Variants in PARD3B observed in about 807,000 individuals in gnomAD.
The protein encoded by PARD3B is par-3 family cell polarity regulator beta, also known as partitioning defective 3 homolog B.
Under a neutral mutation model 130.2 loss-of-function variants are expected in PARD3B, and 103 were observed. The observed-to-expected ratio is 0.79, with a 90% CI of 0.67 to 0.93. The LOEUF (loss-of-function observed/expected upper bound fraction) is 0.93. PARD3B is among the 40% of genes least tolerant of loss of function. PARD3B has a pLI of 0.00. For missense variants in PARD3B, 1,609 were observed against 1,499.2 expected (o/e 1.07, Z -1.21); for synonymous variants, 583 against 553.2 (o/e 1.05, Z -0.76).
chr2:205,000,882 C>A (rs2125279339), intron 3 of PARD3B, among the ~76,000 whole-genome samples: 1 of 152,216 alleles, frequency 6.6e-6, no homozygotes, highest in Middle Eastern at 3.4e-3. Context: ...ACATTAGGGC[C>A]TTAGGGTTTT....
intron 10 of PARD3B, among the ~76,000 whole-genome samples, chr2:205,135,200 G>C (rs984709131): frequency 1.3e-5 from 2 of 152,212 alleles, no homozygotes; most frequent in South Asian, 4.1e-4. Context: ...AATGTTACCA[G>C]TAATTTAGGC....
rs535607937 is a variant in PARD3B at position 204,941,031 on chromosome 2, A to T, written c.223-24121A>T. On this transcript the variant is annotated intron_variant, in intron 2 of 22. Coordinates refer to ENST00000406610, the MANE Select transcript of PARD3B (RefSeq NM_001302769.2). ...TCAGTGTTGTATGTTCTATTCAATT[A>T]ACGTGGGAGAGTTAAAAAACTAACA... Among the ~76,000 whole-genome samples, 5 of 152,362 alleles carry T rather than the reference A, an allele frequency of 3.3e-5. No homozygotes were observed. The South Asian group carries it at 1.0e-3, about 32-fold the overall frequency.
intron 2 of PARD3B, among the ~76,000 whole-genome samples, chr2:204,891,727 G>T (rs757466677): frequency 5.3e-5 from 8 of 152,052 alleles, no homozygotes; most frequent in Non-Finnish European, 8.8e-5. Flanking sequence ...GCTACCATTT[G>T]CCAGCTAATA....
At chr2:205,380,865 A>ATAAAGAATATATATAAT (rs1559034636) in intron 18 of PARD3B, among the ~76,000 whole-genome samples, 1 of 36,486 alleles carries the variant, frequency 2.7e-5, no homozygotes, top group African/African-American at 1.1e-4. Flanking sequence ...CATTATATAT[A>ATAAAGAATATATATAAT]ATATAAAGAA....
At chr2:205,386,209 G>A (rs2045655825) in intron 18 of PARD3B, among the ~76,000 whole-genome samples, 2 of 152,108 alleles carry the variant, frequency 1.3e-5, no homozygotes, top group South Asian at 2.1e-4. Context: ...CGGGAGAAGT[G>A]ATGGATTCAT....
chr2:204,648,652 A>ATATCATATAAATAAT (rs1559028878), intron 1 of PARD3B, among the ~76,000 whole-genome samples: 2 of 114,670 alleles, frequency 1.7e-5, no homozygotes, highest in African/African-American at 7.0e-5. Flanking sequence ...TTATATATAT[A>ATATCATATAAATAAT]ATATATTTAT....
At chr2:205,531,669 G>A (rs1278966574) in intron 21 of PARD3B, among the ~76,000 whole-genome samples, 1 of 151,984 alleles carries the variant, frequency 6.6e-6, no homozygotes, top group African/African-American at 2.4e-5. Context: ...ACAGGAGAGA[G>A]ACTGGATATG....
chr2:204,707,023 G>C (rs1007301657), intron 2 of PARD3B, among the ~76,000 whole-genome samples: 1 of 152,192 alleles, frequency 6.6e-6, no homozygotes, highest in Non-Finnish European at 1.5e-5. Flanking sequence ...AGGAATGACT[G>C]AGATGAATGA....
chr2:204,749,872 T>A (rs1318491378), intron 2 of PARD3B, among the ~76,000 whole-genome samples: 2 of 152,234 alleles, frequency 1.3e-5, no homozygotes, highest in Non-Finnish European at 2.9e-5. Context: ...TTTTTAAACC[T>A]TGTTTTAATG....
Position 205,281,520 on chromosome 2 carries a change from G to A in PARD3B, c.2186-19010G>A, listed in dbSNP as rs2041188737. The stretch of plus-strand genomic sequence containing the variant: ...CAGTATTTCTGTCCCAAAGTCCCAG[G>A]CACACCCTTAATCTCTGCAATTGTA... On this transcript the variant is annotated intron_variant, in intron 16 of 22. Coordinates refer to ENST00000406610, the MANE Select transcript of PARD3B (RefSeq NM_001302769.2). This position sits in a 1 kb window ranked among gnomAD's most constrained non-coding sequence, Gnocchi z 4.2. Among the ~76,000 whole-genome samples, 1 of 152,126 alleles carries A rather than the reference G, an allele frequency of 6.6e-6. No individual in the cohort carries two copies. The highest frequency in any genetic ancestry group is 2.1e-4 in the South Asian group (1 of 4,820).
chr2:205,016,952 A>G (rs1696194408), intron 3 of PARD3B, among the ~76,000 whole-genome samples: 1 of 152,192 alleles, frequency 6.6e-6, no homozygotes, highest in Admixed American at 6.5e-5. Flanking sequence ...AAGCACCAAA[A>G]GAGTCCAGAG....
In PARD3B at chr2:205,176,043, G is replaced by A. The variant is rs2035451231; in HGVS notation, c.1792-402G>A. Among the ~76,000 whole-genome samples the A allele has an allele frequency of 6.6e-6, 1 of 152,188 alleles. No homozygotes were observed. Among genetic ancestry groups the A allele is most frequent in the Middle Eastern group, 3.2e-3 (1 of 316 alleles). On this transcript the variant is annotated intron_variant, in intron 12 of 22. Coordinates refer to ENST00000406610, the MANE Select transcript of PARD3B (RefSeq NM_001302769.2). The surrounding 1 kb of genome is among the most constrained non-coding windows in gnomAD (Gnocchi z 5.3). ...AATTCTGACTTGTCCTAGAGCATATGCACTTAGGCGCAGAGAGAGAGAGGA... is the reference window on the plus strand; with the variant it reads ...AATTCTGACTTGTCCTAGAGCATATACACTTAGGCGCAGAGAGAGAGAGGA...
intron 4 of PARD3B, among the ~76,000 whole-genome samples, chr2:205,101,496 T>C (rs1417554263): frequency 6.6e-6 from 1 of 152,216 alleles, no homozygotes; most frequent in Non-Finnish European, 1.5e-5. Context: ...ATGTTAAACA[T>C]ATAGTTACCA....
chr2:205,216,364 A>G (rs2037910665), intron 15 of PARD3B, among the ~76,000 whole-genome samples: 1 of 152,160 alleles, frequency 6.6e-6, no homozygotes, highest in Non-Finnish European at 1.5e-5. Flanking sequence ...CTAGTGACGC[A>G]TGGCTTATAA....
At chr2:205,377,272 A>G (rs936960735) in intron 18 of PARD3B, among the ~76,000 whole-genome samples, 1 of 152,164 alleles carries the variant, frequency 6.6e-6, no homozygotes, top group African/African-American at 2.4e-5. Context: ...TCTCGTCTTC[A>G]CCTGAACAAG....
rs1007909556 is a variant in PARD3B, at chr2:205,011,301, A to C, written c.395-36280A>C. On this transcript the variant is annotated intron_variant, in intron 3 of 22. Coordinates refer to ENST00000406610, the MANE Select transcript of PARD3B (RefSeq NM_001302769.2). The surrounding 1 kb of genome is among the most constrained non-coding windows in gnomAD (Gnocchi z 4.1). ...CCCAAGAGTCTGTAGCCAAGCTGTC[A>C]TCTCAAGGATGGGTCAGAGGGCTCA... 6.6e-6 allele frequency among the ~76,000 whole-genome samples: 1 copy of C among 152,136 alleles called. No individual in the cohort carries two copies. The highest frequency in any genetic ancestry group is 1.5e-5 in the Non-Finnish European group (1 of 68,022).
At chr2:205,337,227 A>G (rs1005109299) in intron 18 of PARD3B, among the ~76,000 whole-genome samples, 7 of 152,190 alleles carry the variant, frequency 4.6e-5, no homozygotes, top group African/African-American at 1.7e-4. Flanking sequence ...TAGTTGAAAG[A>G]TATTTTGTGA....
chr2:204,658,065 GC>G (rs2035694712), intron 1 of PARD3B, among the ~76,000 whole-genome samples: 1 of 152,128 alleles, frequency 6.6e-6, no homozygotes, highest in African/African-American at 2.4e-5. Context: ...AGACAAATGT[GC>G]AGCTATTATA....
rs1340480565 is a variant in PARD3B at position 204,553,689 on chromosome 2, TATATATAC to T, written c.120+7572_120+7579del. Among the ~76,000 whole-genome samples, 145 of 113,286 alleles carry T rather than the reference TATATATAC, an allele frequency of 1.3e-3. 1 individual carries two copies. Among genetic ancestry groups the T allele is most frequent in the African/African-American group, 5.9e-3 (131 of 22,292 alleles). The allele number at this position is 113,286 out of a possible 152,430, so 74.3% of individuals were successfully genotyped here. On this transcript the variant is annotated intron_variant, in intron 1 of 22. Coordinates refer to ENST00000406610, the MANE Select transcript of PARD3B (RefSeq NM_001302769.2). The stretch of plus-strand genomic sequence containing the variant: ...ATATATATATATATATATATATATA[TATATATAC>T]ACACATATATATAAAGGAATACACC...
Sources: gnomAD v4.1 joint callset for allele counts (sites outside exome capture counted in the v4.1 genomes callset) on GRCh38, gnomAD v4.1.1 for gene constraint, Gnocchi (gnomAD v3.1) non-coding constraint, MANE v1.5 for transcripts, NCBI Gene and HGNC (gene_info 2026-07-23, HGNC 2026-07-21) for gene names.